Variants in DCC observed in about 807,000 individuals in gnomAD.
DCC encodes the protein netrin receptor DCC.
In DCC, 58 loss-of-function variants were observed where a neutral mutation model predicts 172.5. The ratio of observed to expected loss-of-function variants is 0.34; its 90% CI spans 0.27 to 0.42. The LOEUF is 0.42. Ranked by LOEUF, DCC falls within the 10% of genes least tolerant of loss-of-function variation. DCC has a pLI of 1.00. For missense variants in DCC, 1,740 were observed against 1,791.0 expected (o/e 0.97, Z 0.51); for synonymous variants, 709 against 644.5 (o/e 1.10, Z -1.52).
chr18:52,568,212 G>A (rs1371567429), intron 1 of DCC, among the ~76,000 whole-genome samples: 2 of 151,820 alleles, frequency 1.3e-5, no homozygotes, highest in African/African-American at 2.4e-5. Context: ...CCTATTCTTA[G>A]TTATTTTCCT....
intron 5 of DCC, among the ~76,000 whole-genome samples, chr18:52,939,116 T>A (rs1315837565): frequency 6.6e-6 from 1 of 152,178 alleles, no homozygotes; most frequent in Non-Finnish European, 1.5e-5. Context: ...CCTTTCTAAC[T>A]TCATCACATT....
At chr18:52,705,859 T>G (rs1367613945) in intron 1 of DCC, among the ~76,000 whole-genome samples, 1 of 152,238 alleles carries the variant, frequency 6.6e-6, no homozygotes, top group Non-Finnish European at 1.5e-5. Context: ...AATTCATTCA[T>G]TATAGATCTG....
chr18:53,300,710 G>C (rs12957583), intron 12 of DCC, among the ~76,000 whole-genome samples: 15,613 of 152,098 alleles, frequency 0.1, 923 homozygotes, highest in Middle Eastern at 0.18. Context: ...CAAATTCAGT[G>C]CTGGGGTGAG....
chr18:53,173,115 T>C (rs2055038103), intron 8 of DCC, among the ~76,000 whole-genome samples: 1 of 152,102 alleles, frequency 6.6e-6, no homozygotes, highest in Non-Finnish European at 1.5e-5. Flanking sequence ...ATTATGAGGG[T>C]TTGCTTTTAA....
intron 1 of DCC, among the ~76,000 whole-genome samples, chr18:52,694,626 C>T (rs934316248): frequency 6.6e-6 from 1 of 151,916 alleles, no homozygotes; most frequent in African/African-American, 2.4e-5. Flanking sequence ...TAGGGAGTTG[C>T]AGCAGGCTTT....
At chr18:53,129,258 G>A (rs903046041) in intron 7 of DCC, among the ~76,000 whole-genome samples, 30 of 152,022 alleles carry the variant, frequency 2.0e-4, no homozygotes, top group African/African-American at 6.7e-4. Flanking sequence ...TATTATGGAA[G>A]GTGAATATTT....
chr18:52,456,030 G>T (rs769296254), intron 1 of DCC, among the ~76,000 whole-genome samples: 1 of 152,162 alleles, frequency 6.6e-6, no homozygotes, highest in Non-Finnish European at 1.5e-5. Context: ...AGCTTTGCTG[G>T]TGCTCTAAGC....
intron 25 of DCC, among the ~76,000 whole-genome samples, chr18:53,478,164 A>G (rs1450106304): frequency 1.3e-5 from 2 of 152,204 alleles, no homozygotes; most frequent in African/African-American, 4.8e-5. Context: ...ACCTCAGCTG[A>G]CCTGAGGCTG....
chr18:52,951,097 T>A (rs898666957), intron 5 of DCC, among the ~76,000 whole-genome samples: 3 of 151,984 alleles, frequency 2.0e-5, no homozygotes, highest in Non-Finnish European at 4.4e-5. Flanking sequence ...GCCAGCAAGC[T>A]AGAAGCCACT....
intron 1 of DCC, among the ~76,000 whole-genome samples, chr18:52,665,594 C>T (rs912790893): frequency 2.0e-5 from 3 of 152,166 alleles, no homozygotes; most frequent in African/African-American, 7.2e-5. Flanking sequence ...TTTATACCAT[C>T]TATTGAAAAA....
Position 52,356,015 on chromosome 18 carries a change from C to G in DCC, c.91+15137C>G, listed in dbSNP as rs180835816. ...TGCAGAAAGCTTCTTAGTCCAGGCACCAGATCTCATCACTAGCAATGACTT... is the reference window on the plus strand; with the variant it reads ...TGCAGAAAGCTTCTTAGTCCAGGCAGCAGATCTCATCACTAGCAATGACTT... On this transcript the variant is annotated intron_variant, in intron 1 of 28. Coordinates refer to ENST00000442544, the MANE Select transcript of DCC (RefSeq NM_005215.4). Among the ~76,000 whole-genome samples, 337 of 152,252 alleles carry G rather than the reference C, an allele frequency of 2.2e-3. 3 individuals are homozygous for G. The highest frequency in any genetic ancestry group is 0.011 in the East Asian group (56 of 5,184).
intron 12 of DCC, among the ~76,000 whole-genome samples, chr18:53,288,892 G>A (rs774567243): frequency 1.1e-4 from 17 of 152,246 alleles, no homozygotes; most frequent in East Asian, 7.7e-4. Flanking sequence ...CTGACTGGCT[G>A]TTGAATGAGT....
At chr18:52,669,158 C>T (rs969859712) in intron 1 of DCC, among the ~76,000 whole-genome samples, 1 of 152,078 alleles carries the variant, frequency 6.6e-6, no homozygotes. Context: ...TGAAGCTGTC[C>T]TCTTGTGCTG....
chr18:53,176,724 G>A (rs1470432698), intron 8 of DCC, among the ~76,000 whole-genome samples: 2 of 151,536 alleles, frequency 1.3e-5, no homozygotes, highest in Non-Finnish European at 2.9e-5. Flanking sequence ...CTTTTACACT[G>A]TTGCTGGGAC....
chr18:52,523,192 T>A (rs1485575784), intron 1 of DCC, among the ~76,000 whole-genome samples: 2 of 152,184 alleles, frequency 1.3e-5, no homozygotes, highest in Non-Finnish European at 2.9e-5. Context: ...TCTACATGAT[T>A]GCATCTCAAC....
chr18:53,140,028 G>T (rs1262004451), intron 7 of DCC, among the ~76,000 whole-genome samples: 6 of 152,150 alleles, frequency 3.9e-5, no homozygotes, highest in Non-Finnish European at 8.8e-5. Context: ...AAAATATTTT[G>T]CATGAATAAA....
chr18:53,380,194 C>A (rs969192297), intron 15 of DCC, among the ~76,000 whole-genome samples: 4 of 152,108 alleles, frequency 2.6e-5, no homozygotes. Flanking sequence ...CTAGGCAATT[C>A]TTTTGTGATT....
chr18:52,945,617 A>G (rs2145534780), intron 5 of DCC, among the ~76,000 whole-genome samples: 1 of 152,344 alleles, frequency 6.6e-6, no homozygotes, highest in East Asian at 1.9e-4. Flanking sequence ...AAGAGCACCA[A>G]TTCTTCTGAG....
chr18:53,144,716 G>A (rs2043880037), intron 7 of DCC, among the ~76,000 whole-genome samples: 1 of 152,104 alleles, frequency 6.6e-6, no homozygotes, highest in Non-Finnish European at 1.5e-5. Context: ...ATATAGTAAG[G>A]TGGTGAAATA....
Sources: gnomAD v4.1 joint callset for allele counts (sites outside exome capture counted in the v4.1 genomes callset) on GRCh38, gnomAD v4.1.1 for gene constraint, MANE v1.5 for transcripts, NCBI Gene and HGNC (gene_info 2026-07-23, HGNC 2026-07-21) for gene names.